BZW1: variants seen among roughly 807,000 people sequenced by gnomAD.
The protein encoded by BZW1 is eIF5-mimic protein 2.
A neutral mutation model predicts 54.1 loss-of-function variants in BZW1; 3 were observed. The ratio of observed to expected loss-of-function variants is 0.06; its 90% CI spans 0.03 to 0.14. The LOEUF (loss-of-function observed/expected upper bound fraction) is 0.14, where lower values mean the gene tolerates loss of function less well. Ranked by LOEUF, BZW1 falls within the 10% of genes least tolerant of loss-of-function variation. The probability of loss-of-function intolerance (pLI) is 1.00; values close to 1 mark genes in which losing one functional copy is unlikely to be tolerated. For missense variants in BZW1, 206 were observed against 491.7 expected, an observed-to-expected ratio of 0.42 and a Z score of 5.50; for synonymous variants, 152 against 162.7, an observed-to-expected ratio of 0.93 and a Z score of 0.50.
rs1245407898 is a variant in BZW1 at position 200,818,774 on chromosome 2, A to T, written c.839A>T (p.Glu280Val). The T allele has an allele frequency of 6.3e-7, 1 of 1,585,994 alleles. No homozygotes were observed. The highest frequency in any genetic ancestry group is 1.4e-5 in the African/African-American group (1 of 72,754). Residue 280 changes from glutamate (E) to valine (V), a missense_variant, in exon 9 of 12, where the codon GAG (glutamate) becomes GTG (valine). Glu to Val is a moderately radical substitution (Grantham distance 121). Coordinates refer to ENST00000409600, the MANE Select transcript of BZW1 (RefSeq NM_001207067.2). ...PFKDIILYVKEEMKKNNIPEP... is the reference protein window; with the variant it reads ...PFKDIILYVKVEMKKNNIPEP... Reference sequence around the variant, plus strand: ...TTGCAGATAATTTTATATGTCAAGGAGGAGATGAAAAAAAACAACATCCCA... The same window carrying T: ...TTGCAGATAATTTTATATGTCAAGGTGGAGATGAAAAAAAACAACATCCCA...
rs759638323 is a variant in BZW1 at position 200,815,326 on chromosome 2, C to G, written c.65-15C>G. 11 of 1,579,496 alleles carry G rather than the reference C, an allele frequency of 7.0e-6. No homozygotes were observed. Among genetic ancestry groups the G allele is most frequent in the Non-Finnish European group, 9.5e-6 (11 of 1,161,578 alleles). On this transcript the variant is annotated splice_polypyrimidine_tract_variant and intron_variant, in intron 2 of 11. Transcript: ENST00000409600. ...TCTTTTAAAACTAAATGTTTTGGGT[C>G]CCTTGTCCCCCCAGATGAAAAAGAG...
intron 5 of BZW1, 47 bp from the exon 6 acceptor site, chr2:200,817,059 T>C (rs1262564614): frequency 1.3e-6 from 2 of 1,592,742 alleles, no homozygotes; most frequent in African/African-American, 2.7e-5. Flanking sequence ...CTTCTCTTAT[T>C]GTAATGCAGT....
Position 200,825,800 on chromosome 2 carries a change from G to C in BZW1, c.*3622G>C, listed in dbSNP as rs183701672. 15 of 152,288 alleles carry C rather than the reference G, an allele frequency of 9.8e-5. No individual in the cohort carries two copies. The highest frequency in any genetic ancestry group is 2.1e-4 in the Non-Finnish European group (14 of 68,020). The allele number at this position is 152,288 out of a possible 1,614,324, so 9.4% of individuals were successfully genotyped here. On this transcript the variant is annotated 3_prime_UTR_variant, in exon 12 of 12. Coordinates refer to ENST00000409600, the MANE Select transcript of BZW1 (RefSeq NM_001207067.2). ...TGCAGGAACTGACAACTATTGGTTG[G>C]CTTTAAATGTAATGTAGATGCCAAA...
chr2:200,822,130 T>G lies in BZW1; in HGVS notation c.1229-17T>G, dbSNP rs1207777618. ...TTCTGATACATAATGTTTGACTGTT[T>G]TTTTCCCCTTTTCTAGAATCTGAAT... On this transcript the variant is annotated splice_polypyrimidine_tract_variant and intron_variant, in intron 11 of 11. Coordinates refer to ENST00000409600, the MANE Select transcript of BZW1 (RefSeq NM_001207067.2). 1.9e-6 allele frequency: 3 copies of G among 1,600,520 alleles called. No individual in the cohort carries two copies. The highest frequency in any genetic ancestry group is 2.6e-6 in the Non-Finnish European group (3 of 1,172,114).
At chr2:200,816,496 TG>T (rs2038297049) in intron 5 of BZW1, 106 bp downstream of exon 5, 2 of 848,588 alleles carry the variant, frequency 2.4e-6, no homozygotes, top group South Asian at 4.7e-5. Context: ...CTTGTTTGTT[TG>T]GGTTGTTTTT....
chr2:200,815,520 A>G lies in BZW1; in HGVS notation c.241+3A>G. On this transcript the variant is annotated splice_donor_region_variant and intron_variant, in intron 3 of 11. Coordinates refer to ENST00000409600, the MANE Select transcript of BZW1 (RefSeq NM_001207067.2). ...TCTGGTGGCTGGTGGAATGCTGGGT[A>G]AGTGTCTGTGGTTTGTGGGCTTAAT... 2 of 1,613,808 alleles carry G rather than the reference A, an allele frequency of 1.2e-6. No individual in the cohort carries two copies. Among genetic ancestry groups the G allele is most frequent in the East Asian group, 2.2e-5 (1 of 44,890 alleles).
In BZW1 at chr2:200,816,357, C is replaced by T. The variant is rs2038288733; in HGVS notation, c.369C>T (p.Tyr123=). ...VFNKLIRRYK[Y]LEKGFEDEVK... ...ACAAGTTAATCAGGCGCTACAAATA[C>T]CTGGAGAAAGGTTTTGAAGATGAAG... Residue 123 remains tyrosine (Y), a synonymous_variant, in exon 5 of 12, where the codon TAC becomes TAT. Coordinates refer to ENST00000409600, the MANE Select transcript of BZW1 (RefSeq NM_001207067.2). The T allele has an allele frequency of 1.3e-6, 2 of 1,586,478 alleles. No homozygotes were observed. Among genetic ancestry groups the T allele is most frequent in the East Asian group, 2.3e-5 (1 of 44,292 alleles).
At chr2:200,821,605 C>T (rs887270826) in intron 11 of BZW1, among the ~76,000 whole-genome samples, 3 of 151,466 alleles carry the variant, frequency 2.0e-5, no homozygotes, top group Non-Finnish European at 2.9e-5. Context: ...CACTATGTTG[C>T]CGATGCTGGT....
In BZW1 at chr2:200,818,092, CT is replaced by C. The variant is rs1575054803; in HGVS notation, c.648+16del. On this transcript the variant is annotated intron_variant, in intron 7 of 11. Transcript: ENST00000409600. ...TGGATAACAGACTGATGGTTGGTAA[CT>C]TTTTTTCATTCTTCCCATTCTTGCC... is the stretch of plus-strand genomic sequence containing the variant. The C allele has an allele frequency of 1.9e-6, 3 of 1,542,546 alleles. No homozygotes were observed. Among genetic ancestry groups the C allele is most frequent in the African/African-American group, 1.4e-5 (1 of 72,698 alleles).
rs543591332 is a variant in BZW1, at chr2:200,827,226, G to A, written c.*5048G>A. On this transcript the variant is annotated 3_prime_UTR_variant, in exon 12 of 12. Coordinates refer to ENST00000409600, the MANE Select transcript of BZW1 (RefSeq NM_001207067.2). ...AAAAACCTCAAATACAGCCATCCAA[G>A]CCAGTAATTCTATTGCTGCGTTATT... 6.6e-6 allele frequency: 1 copy of A among 152,176 alleles called. No individual in the cohort carries two copies. Among genetic ancestry groups the A allele is most frequent in the Non-Finnish European group, 1.5e-5 (1 of 68,038 alleles). The allele number at this position is 152,176 out of a possible 1,614,324, so 9.4% of individuals were successfully genotyped here. A position where few individuals can be genotyped will look rare whatever the true frequency, so the allele number is the denominator to read the frequency against.
At chr2:200,813,439 A>G in intron 2 of BZW1, 158 bp downstream of exon 2, 1 of 620,402 alleles carries the variant, frequency 1.6e-6, no homozygotes, top group Non-Finnish European at 2.8e-6. Flanking sequence ...TACACCTTTA[A>G]TATTTCTACT....
At chr2:200,813,463 A>T (rs1349448127) in intron 2 of BZW1, 182 bp downstream of exon 2, 1 of 552,894 alleles carries the variant, frequency 1.8e-6, no homozygotes, top group Admixed American at 3.4e-5. Flanking sequence ...TTACTGCTCA[A>T]GCCTTAATTT....
At chr2:200,820,146 A>AT (rs1211529942) in intron 10 of BZW1, 26 bp downstream of exon 10, 1 of 1,495,944 alleles carries the variant, frequency 6.7e-7, no homozygotes, top group Non-Finnish European at 9.0e-7. Flanking sequence ...AATTTTGTAA[A>AT]TAACACTTAA....
At chr2:200,813,495 G>A (rs1044584180) in intron 2 of BZW1, 34 of 411,196 alleles carry the variant, frequency 8.3e-5, no homozygotes, top group Non-Finnish European at 1.3e-4. Context: ...ATATCTCTAA[G>A]CCGGTTAGTG....
In BZW1 at chr2:200,812,855, C is replaced by A. The variant is rs1034290692; in HGVS notation, c.-10-353C>A. On this transcript the variant is annotated intron_variant, in intron 1 of 11. Transcript: ENST00000409600. The stretch of plus-strand genomic sequence containing the variant: ...TGACTATGGTGATAATCTCTCTTTG[C>A]GTTCTGCGATGCTTAGTGGTCGTGG... 13 of 656,118 alleles carry A rather than the reference C, an allele frequency of 2.0e-5. 1 individual carries two copies. The Admixed American group carries it at 2.7e-4, about 14-fold the overall frequency. The allele number at this position is 656,118 out of a possible 1,614,324, so 40.6% of individuals were successfully genotyped here.
intron 1 of BZW1, chr2:200,812,415 G>A: frequency 7.8e-7 from 1 of 1,279,748 alleles, no homozygotes. Context: ...CGGATGTACG[G>A]GGCGCCTGGG....
At chr2:200,813,571 G>A (rs1343573968) in intron 2 of BZW1, among the ~76,000 whole-genome samples, 1 of 152,094 alleles carries the variant, frequency 6.6e-6, no homozygotes, top group South Asian at 2.1e-4. Context: ...GTTTTCACTA[G>A]CAGGCAGTCT....
chr2:200,813,066 T>C, intron 1 of BZW1, 142 bp from the exon 2 acceptor site: 2 of 709,138 alleles, frequency 2.8e-6, no homozygotes, highest in Non-Finnish European at 5.1e-6. Flanking sequence ...TCTTTGTGCC[T>C]GTATCGGGTA....
chr2:200,812,283 A>G (rs1267324110), intron 1 of BZW1: 2 of 1,232,222 alleles, frequency 1.6e-6, no homozygotes, highest in Admixed American at 4.2e-5. Flanking sequence ...CTGGCTAACA[A>G]AGCCGCCGCG....
Sources: allele counts gnomAD v4.1 joint callset (sites outside exome capture counted in the v4.1 genomes callset), GRCh38; gene constraint gnomAD v4.1.1; transcripts MANE v1.5; gene names NCBI Gene and HGNC (gene_info 2026-07-23, HGNC 2026-07-21).